PTPRR: variants seen among roughly 807,000 people sequenced by gnomAD.
The protein encoded by PTPRR is receptor-type tyrosine-protein phosphatase R.
A neutral mutation model predicts 77.2 loss-of-function variants in PTPRR; 38 were observed. That is an observed-to-expected ratio of 0.49 (90% CI 0.38 to 0.65). The LOEUF is 0.65. Among genes scored for constraint, PTPRR ranks in the 30% least tolerant of loss-of-function variants. The pLI is 0.00. For synonymous variants in PTPRR, 299 were observed against 283.1 expected, an observed-to-expected ratio of 1.06 and a Z score of -0.57; for missense variants, 744 against 799.2, an observed-to-expected ratio of 0.93 and a Z score of 0.83.
chr12:70,871,424 G>A (rs535902316), intron 2 of PTPRR, among the ~76,000 whole-genome samples: 1 of 152,216 alleles, frequency 6.6e-6, no homozygotes, highest in African/African-American at 2.4e-5. Context: ...GCCTGACTTT[G>A]CTCTTAGAGG....
At chr12:70,884,413 T>A (rs1281109422) in intron 2 of PTPRR, among the ~76,000 whole-genome samples, 1 of 152,140 alleles carries the variant, frequency 6.6e-6, no homozygotes, top group East Asian at 1.9e-4. Context: ...ACAAAGTCAT[T>A]AACAAAAGGC....
intron 2 of PTPRR, among the ~76,000 whole-genome samples, chr12:70,819,032 A>C (rs1891958186): frequency 6.6e-6 from 1 of 152,198 alleles, no homozygotes; most frequent in South Asian, 2.1e-4. Flanking sequence ...GTAAAAAATA[A>C]AGAGAAGGTC....
At chr12:70,865,167 C>T (rs1262978089) in intron 2 of PTPRR, among the ~76,000 whole-genome samples, 1 of 152,074 alleles carries the variant, frequency 6.6e-6, no homozygotes, top group African/African-American at 2.4e-5. Context: ...TCATTTCTCT[C>T]TTGCCTGTCG....
chr12:70,810,058 G>T (rs1891782382), intron 2 of PTPRR, among the ~76,000 whole-genome samples: 1 of 152,170 alleles, frequency 6.6e-6, no homozygotes, highest in Non-Finnish European at 1.5e-5. Flanking sequence ...CAGCAGTCAT[G>T]TAAATACAGT....
chr12:70,809,662 C>A (rs1891774618), intron 2 of PTPRR, among the ~76,000 whole-genome samples: 1 of 152,028 alleles, frequency 6.6e-6, no homozygotes, highest in Non-Finnish European at 1.5e-5. Flanking sequence ...ATTTTAAATT[C>A]CTTGATGGAA....
At chr12:70,798,848 T>G (rs918523524) in intron 2 of PTPRR, among the ~76,000 whole-genome samples, 5 of 151,918 alleles carry the variant, frequency 3.3e-5, no homozygotes, top group Non-Finnish European at 5.9e-5. Context: ...GCTTATTTGT[T>G]GTCTCAATGT....
At chr12:70,710,807 A>T (rs1888800150) in intron 6 of PTPRR, among the ~76,000 whole-genome samples, 1 of 152,190 alleles carries the variant, frequency 6.6e-6, no homozygotes, top group Admixed American at 6.6e-5. Context: ...AAATCTCAAC[A>T]TCACTGATAA....
chr12:70,639,483 T>A, intron 13 of PTPRR: 1 of 1,336,238 alleles, frequency 7.5e-7, no homozygotes, highest in Non-Finnish European at 9.6e-7. Context: ...CTTAACACAG[T>A]TCCCAGCACA....
At chr12:70,864,996 G>C (rs1464468738) in intron 2 of PTPRR, among the ~76,000 whole-genome samples, 1 of 151,972 alleles carries the variant, frequency 6.6e-6, no homozygotes, top group Non-Finnish European at 1.5e-5. Flanking sequence ...TGTATTTTTA[G>C]TACAGACGGG....
chr12:70,825,231 T>C (rs2137044884), intron 2 of PTPRR, among the ~76,000 whole-genome samples: 1 of 152,074 alleles, frequency 6.6e-6, no homozygotes, highest in South Asian at 2.1e-4. Flanking sequence ...TGAGCCAAGA[T>C]AGCGCCACTA....
intron 5 of PTPRR, 70 bp downstream of exon 5, chr12:70,754,121 T>C (rs1890491775): frequency 2.2e-6 from 3 of 1,389,676 alleles, no homozygotes; most frequent in Non-Finnish European, 2.0e-6. Context: ...TTCATTTGAA[T>C]GGCAATGTAC....
intron 4 of PTPRR, among the ~76,000 whole-genome samples, chr12:70,756,197 A>G (rs1890558783): frequency 6.6e-6 from 1 of 152,004 alleles, no homozygotes; most frequent in Admixed American, 6.6e-5. Context: ...TGCTTAAGAC[A>G]AACCTGTTTT....
chr12:70,874,419 T>C (rs896569041), intron 2 of PTPRR, among the ~76,000 whole-genome samples: 4 of 152,148 alleles, frequency 2.6e-5, no homozygotes, highest in Admixed American at 6.6e-5. Flanking sequence ...GAATGATGAA[T>C]GATCTGGAGT....
chr12:70,878,005 T>C (rs1007396551), intron 2 of PTPRR, among the ~76,000 whole-genome samples: 3 of 152,144 alleles, frequency 2.0e-5, no homozygotes, highest in Non-Finnish European at 4.4e-5. Context: ...GGGGAAAGGA[T>C]TCCCTATTTA....
At chr12:70,908,555 T>G (rs116963204) in intron 1 of PTPRR, among the ~76,000 whole-genome samples, 1 of 152,022 alleles carries the variant, frequency 6.6e-6, no homozygotes, top group Non-Finnish European at 1.5e-5. Flanking sequence ...AAGAACAGGA[T>G]AGAGGAAGCC....
At chr12:70,879,253 A>G (rs890827494) in intron 2 of PTPRR, among the ~76,000 whole-genome samples, 8 of 152,194 alleles carry the variant, frequency 5.3e-5, no homozygotes, top group African/African-American at 1.9e-4. Flanking sequence ...AAGTATAATT[A>G]AAAAGAAAAA....
chr12:70,887,032 A>G (rs934626182), intron 2 of PTPRR, among the ~76,000 whole-genome samples: 4 of 152,266 alleles, frequency 2.6e-5, no homozygotes, highest in Non-Finnish European at 5.9e-5. Context: ...CACCCTGGCT[A>G]GGTGTAAGAC....
intron 2 of PTPRR, among the ~76,000 whole-genome samples, chr12:70,799,899 A>C (rs1891582958): frequency 1.3e-5 from 2 of 152,184 alleles, no homozygotes; most frequent in South Asian, 2.1e-4. Flanking sequence ...AGCCCTTTTA[A>C]TTAGCAGCTC....
rs568972914 is a variant in PTPRR at position 70,810,180 on chromosome 12, G to T, written c.358-45402C>A. Reference sequence around the variant, plus strand: ...CAGATGGTTTGTGAAGCCTTAAAGAGCTACCCTGAAGTTATTTTCGGTAGC... The same window carrying T: ...CAGATGGTTTGTGAAGCCTTAAAGATCTACCCTGAAGTTATTTTCGGTAGC... On this transcript the variant is annotated intron_variant, in intron 2 of 13. Transcript: ENST00000283228. 2.0e-5 allele frequency among the ~76,000 whole-genome samples: 3 copies of T among 152,184 alleles called. No individual in the cohort carries two copies. In the South Asian group the frequency reaches 6.2e-4, roughly 32 times the overall value.
Sources: gnomAD v4.1 joint callset for allele counts (sites outside exome capture counted in the v4.1 genomes callset) on GRCh38, gnomAD v4.1.1 for gene constraint, MANE v1.5 for transcripts, NCBI Gene and HGNC (gene_info 2026-07-23, HGNC 2026-07-21) for gene names.